ADCK1: variants seen among roughly 807,000 people sequenced by gnomAD.
ADCK1 encodes the protein aarF domain-containing protein kinase 1.
A neutral mutation model predicts 52.3 loss-of-function variants in ADCK1; 41 were observed. The observed-to-expected ratio is 0.78, with a 90% CI of 0.61 to 1.02. The LOEUF is 1.02. Ranked by LOEUF, ADCK1 falls within the 50% of genes least tolerant of loss-of-function variation. ADCK1 has a pLI of 0.00. For missense variants in ADCK1, 658 were observed against 679.5 expected (o/e 0.97, Z 0.35); for synonymous variants, 250 against 274.6 (o/e 0.91, Z 0.89).
At chr14:77,851,184 C>T (rs2082277639) in intron 3 of ADCK1, among the ~76,000 whole-genome samples, 1 of 150,646 alleles carries the variant, frequency 6.6e-6, no homozygotes, top group Admixed American at 6.6e-5. Context: ...GTGGCACAAT[C>T]TTGGCTCACT....
At chr14:77,845,935 T>C (rs1489316476) in intron 3 of ADCK1, among the ~76,000 whole-genome samples, 4 of 152,168 alleles carry the variant, frequency 2.6e-5, no homozygotes, top group African/African-American at 9.6e-5. Flanking sequence ...CCCACAGTAC[T>C]AATAACCAGG....
intron 6 of ADCK1, among the ~76,000 whole-genome samples, chr14:77,901,711 T>C (rs781215432): frequency 6.6e-6 from 1 of 152,224 alleles, no homozygotes; most frequent in Admixed American, 6.5e-5. Flanking sequence ...TTAAGGACCA[T>C]CCTGGTGTTC....
chr14:77,908,045 G>A, intron 7 of ADCK1, 126 bp downstream of exon 7: 1 of 719,692 alleles, frequency 1.4e-6, no homozygotes, highest in Non-Finnish European at 2.4e-6. Context: ...AGGGCCCATT[G>A]TCTGGAGAAT....
chr14:77,898,259 G>A (rs1016049277), intron 5 of ADCK1, among the ~76,000 whole-genome samples: 3 of 152,134 alleles, frequency 2.0e-5, no homozygotes, highest in African/African-American at 7.2e-5. Flanking sequence ...GTGACATCTT[G>A]TCTAAACAAC....
Position 77,838,067 on chromosome 14 carries a change from C to T in ADCK1, c.219+15549C>T, listed in dbSNP as rs143800262. Among the ~76,000 whole-genome samples, 6 of 152,272 alleles carry T rather than the reference C, an allele frequency of 3.9e-5. No individual in the cohort carries two copies. The South Asian group carries it at 1.0e-3, about 26-fold the overall frequency. ...GTTAACAGCAGTAATAATCTAATAG[C>T]CTGTTCTTGATTTCCCACTTCTCAC... On this transcript the variant is annotated intron_variant, in intron 3 of 10. Transcript: ENST00000238561.
At chr14:77,862,333 T>A (rs1409639864) in intron 4 of ADCK1, among the ~76,000 whole-genome samples, 1 of 151,778 alleles carries the variant, frequency 6.6e-6, no homozygotes, top group Non-Finnish European at 1.5e-5. Flanking sequence ...CTTGGTCCCC[T>A]TGACTGCCCT....
In ADCK1 at chr14:77,929,984, G is replaced by C. The variant is rs116822750; in HGVS notation, c.1207-1534G>C. 8.2e-3 allele frequency among the ~76,000 whole-genome samples: 1,248 copies of C among 152,268 alleles called. 18 individuals carry two copies. Among genetic ancestry groups the C allele is most frequent in the African/African-American group, 0.029 (1,192 of 41,556 alleles). ...TTTTAATAAAGGAGATTGGGGTGAA[G>C]ACTTAGGTAGATACCCAACAGGGTC... On this transcript the variant is annotated intron_variant, in intron 9 of 10. Coordinates refer to ENST00000238561, the MANE Select transcript of ADCK1 (RefSeq NM_020421.4).
intron 4 of ADCK1, among the ~76,000 whole-genome samples, chr14:77,863,834 C>T (rs1363147035): frequency 6.7e-6 from 1 of 150,298 alleles, no homozygotes; most frequent in Non-Finnish European, 1.5e-5. Flanking sequence ...GAGACTCTGT[C>T]TCAAAAAGAA....
rs551898195 is a variant in ADCK1 at position 77,925,496 on chromosome 14, G to C, written c.1009-268G>C. Among the ~76,000 whole-genome samples the C allele has an allele frequency of 2.0e-5, 3 of 152,334 alleles. No homozygotes were observed. In the East Asian group the frequency reaches 5.8e-4, roughly 29 times the overall value. ...AGGACCACATCTAACTTTGAGGGAG[G>C]CTGAGAAAGGAGGCTGTACCTGGGA... On this transcript the variant is annotated intron_variant, in intron 8 of 10. Transcript: ENST00000238561.
At chr14:77,898,069 G>A (rs561067764) in intron 5 of ADCK1, among the ~76,000 whole-genome samples, 2 of 152,244 alleles carry the variant, frequency 1.3e-5, no homozygotes, top group East Asian at 1.9e-4. Flanking sequence ...ACCAACCTGG[G>A]CAACACAGTG....
intron 3 of ADCK1, among the ~76,000 whole-genome samples, chr14:77,837,194 G>A (rs1487344949): frequency 6.7e-6 from 1 of 148,334 alleles, no homozygotes; most frequent in East Asian, 2.0e-4. Flanking sequence ...CTGTTGCCTA[G>A]GCTGGAGTAG....
chr14:77,862,733 C>T (rs1180732837), intron 4 of ADCK1, among the ~76,000 whole-genome samples: 1 of 152,216 alleles, frequency 6.6e-6, no homozygotes, highest in Non-Finnish European at 1.5e-5. Context: ...ACGCGGTTGG[C>T]ATTTAGTGAA....
chr14:77,844,985 C>T (rs899494488), intron 3 of ADCK1, among the ~76,000 whole-genome samples: 8 of 152,146 alleles, frequency 5.3e-5, no homozygotes, highest in Non-Finnish European at 1.2e-4. Flanking sequence ...AGAGGAGAGG[C>T]GCATATGCAC....
At chr14:77,820,327 T>A (rs547031239) in intron 2 of ADCK1, among the ~76,000 whole-genome samples, 52 of 151,894 alleles carry the variant, frequency 3.4e-4, no homozygotes, top group African/African-American at 1.1e-3. Flanking sequence ...ATATGTATAT[T>A]TTTTTAAATC....
intron 3 of ADCK1, among the ~76,000 whole-genome samples, chr14:77,844,138 C>T (rs1289010906): frequency 5.3e-5 from 8 of 151,926 alleles, no homozygotes; most frequent in Non-Finnish European, 1.5e-5. Context: ...TGTGATCTCC[C>T]CTTACTGCAA....
intron 3 of ADCK1, among the ~76,000 whole-genome samples, chr14:77,855,617 A>G (rs183535827): frequency 3.2e-4 from 48 of 152,322 alleles, no homozygotes; most frequent in African/African-American, 1.1e-3. Flanking sequence ...CGTAAAGATT[A>G]GCATCTAGAA....
At chr14:77,865,581 T>C (rs2082644376) in intron 4 of ADCK1, among the ~76,000 whole-genome samples, 2 of 152,184 alleles carry the variant, frequency 1.3e-5, no homozygotes, top group South Asian at 4.1e-4. Flanking sequence ...CATGTAAAAT[T>C]AACCATCATG....
At chr14:77,894,228 C>T (rs764600976) in intron 5 of ADCK1, among the ~76,000 whole-genome samples, 81 of 152,278 alleles carry the variant, frequency 5.3e-4, no homozygotes, top group Non-Finnish European at 1.1e-3. Flanking sequence ...AATAACTTAT[C>T]AGAACAAAGA....
intron 7 of ADCK1, among the ~76,000 whole-genome samples, chr14:77,919,314 C>T (rs1427691948): frequency 6.6e-6 from 1 of 152,234 alleles, no homozygotes; most frequent in Non-Finnish European, 1.5e-5. Flanking sequence ...AGATTAGCTA[C>T]CACTTATAAG....
Sources: allele counts gnomAD v4.1 joint callset (sites outside exome capture counted in the v4.1 genomes callset), GRCh38; gene constraint gnomAD v4.1.1; transcripts MANE v1.5; gene names NCBI Gene and HGNC (gene_info 2026-07-23, HGNC 2026-07-21).